Variants in NLGN4X observed in about 807,000 individuals in gnomAD.
NLGN4X encodes neuroligin 4 X-linked, also known as neuroligin-4, X-linked.
A neutral mutation model predicts 40.3 loss-of-function variants in NLGN4X; 3 were observed. The ratio of observed to expected loss-of-function variants is 0.07; its 90% CI spans 0.03 to 0.19. The LOEUF (loss-of-function observed/expected upper bound fraction) is 0.19. Among genes scored for constraint, NLGN4X ranks in the 10% least tolerant of loss-of-function variants. The pLI, the probability that NLGN4X is intolerant of heterozygous loss-of-function variation, is 1.00. For synonymous variants in NLGN4X, 270 were observed against 306.8 expected, an observed-to-expected ratio of 0.88 and a Z score of 1.25; for missense variants, 382 against 708.3, an observed-to-expected ratio of 0.54 and a Z score of 5.23.
chrX:6,133,985 T>C (rs746717212), intron 2 of NLGN4X, among the ~76,000 whole-genome samples: 1 of 111,808 alleles, frequency 8.9e-6, no homozygotes, highest in African/African-American at 3.2e-5. Context: ...GGCTTATTTG[T>C]GTTCCATTAA....
chrX:6,149,531 T>TCA (rs1405373065), intron 2 of NLGN4X, among the ~76,000 whole-genome samples: 7 of 110,885 alleles, frequency 6.3e-5, no homozygotes, highest in African/African-American at 1.3e-4. Context: ...CTTATTCATC[T>TCA]CACACACACA....
chrX:6,011,366 A>AATATATATATATATAT (rs10584166), intron 3 of NLGN4X, among the ~76,000 whole-genome samples: 16 of 101,449 alleles, frequency 1.6e-4, no homozygotes, highest in African/African-American at 5.7e-4. Context: ...CAAATTCAGA[A>AATATATATATATATAT]ATATATATAT....
At chrX:5,935,313 T>G (rs2033697552) in intron 3 of NLGN4X, among the ~76,000 whole-genome samples, 2 of 112,284 alleles carry the variant, frequency 1.8e-5, no homozygotes, top group African/African-American at 6.5e-5. Context: ...AGGAAAGAAA[T>G]AAACATTTCT....
At chrX:6,139,003 A>G (rs986262149) in intron 2 of NLGN4X, among the ~76,000 whole-genome samples, 17 of 111,945 alleles carry the variant, frequency 1.5e-4, no homozygotes, top group African/African-American at 5.2e-4. Context: ...ATTTGTTAAC[A>G]TTTTAATATT....
intron 2 of NLGN4X, among the ~76,000 whole-genome samples, chrX:6,136,302 GT>G (rs1172294906): frequency 1.8e-5 from 2 of 112,565 alleles, no homozygotes; most frequent in Non-Finnish European, 3.8e-5. Context: ...AAACTTAACA[GT>G]TTCAAGTAAT....
intron 3 of NLGN4X, among the ~76,000 whole-genome samples, chrX:5,984,183 G>A (rs994440364): frequency 4.5e-5 from 5 of 110,618 alleles, no homozygotes; most frequent in Non-Finnish European, 5.7e-5. Flanking sequence ...TGAGAACTTC[G>A]AAAATGTGGA....
intron 2 of NLGN4X, among the ~76,000 whole-genome samples, chrX:6,069,371 T>C (rs2038004036): frequency 8.9e-6 from 1 of 111,959 alleles, no homozygotes; most frequent in African/African-American, 3.2e-5. Flanking sequence ...CAAAAGCAAG[T>C]GCACAATCAA....
At chrX:5,993,779 C>T (rs1478045183) in intron 3 of NLGN4X, among the ~76,000 whole-genome samples, 2 of 111,638 alleles carry the variant, frequency 1.8e-5, no homozygotes, top group Non-Finnish European at 3.8e-5. Context: ...CTTTGGTCAT[C>T]TAGAAAGGGA....
chrX:6,128,625 C>T (rs1346294092), intron 2 of NLGN4X, among the ~76,000 whole-genome samples: 2 of 111,265 alleles, frequency 1.8e-5, no homozygotes, highest in Non-Finnish European at 3.8e-5. Flanking sequence ...ACTGAGTACA[C>T]ATGGACATAA....
intron 2 of NLGN4X, among the ~76,000 whole-genome samples, chrX:6,134,183 GC>G (rs1310293275): frequency 1.2e-4 from 13 of 111,740 alleles, no homozygotes; most frequent in African/African-American, 4.2e-4. Flanking sequence ...GAAGGATGCT[GC>G]CCTGTAATTA....
At chrX:6,070,317 TC>T (rs2038027843) in intron 2 of NLGN4X, among the ~76,000 whole-genome samples, 1 of 111,567 alleles carries the variant, frequency 9.0e-6, no homozygotes, top group African/African-American at 3.3e-5. Flanking sequence ...ATATAACACT[TC>T]AAAAAAGCAG....
intron 3 of NLGN4X, among the ~76,000 whole-genome samples, chrX:5,942,361 T>G (rs1386917604): frequency 9.0e-6 from 1 of 111,628 alleles, no homozygotes; most frequent in African/African-American, 3.3e-5. Context: ...CATAACTATG[T>G]GCACTACCAT....
At chrX:6,160,331 C>G (rs2040357724) in intron 1 of NLGN4X, among the ~76,000 whole-genome samples, 1 of 110,948 alleles carries the variant, frequency 9.0e-6, no homozygotes, top group Non-Finnish European at 1.9e-5. Flanking sequence ...CCTTTATTAG[C>G]AGGATATAAA....
chrX:6,049,083 A>G (rs1309047424), intron 2 of NLGN4X, among the ~76,000 whole-genome samples: 1 of 102,643 alleles, frequency 9.7e-6, no homozygotes, highest in Non-Finnish European at 2.0e-5. Context: ...TATTTGTAAA[A>G]TATTAAGAAA....
chrX:5,978,272 T>TTTTCTTTCTTTCTTTC (rs780650966), intron 3 of NLGN4X, among the ~76,000 whole-genome samples: 2 of 20,328 alleles, frequency 9.8e-5, no homozygotes, highest in Non-Finnish European at 1.8e-4. Flanking sequence ...GCGTCTCTTT[T>TTTTCTTTCTTTCTTTC]TTTCTTTCTT....
intron 2 of NLGN4X, among the ~76,000 whole-genome samples, chrX:6,038,788 G>T (rs1262289025): frequency 8.9e-6 from 1 of 111,873 alleles, no homozygotes; most frequent in East Asian, 2.8e-4. Context: ...TGGCAGAAAA[G>T]GTTGGTAACA....
At chrX:6,038,009 A>T (rs2037064202) in intron 2 of NLGN4X, among the ~76,000 whole-genome samples, 1 of 111,855 alleles carries the variant, frequency 8.9e-6, no homozygotes, top group Admixed American at 9.6e-5. Context: ...CCCGACTAAG[A>T]CAGGTAATGC....
At chrX:5,930,459 T>C in intron 3 of NLGN4X, among the ~76,000 whole-genome samples, 1 of 112,125 alleles carries the variant, frequency 8.9e-6, no homozygotes, top group Middle Eastern at 4.6e-3. Flanking sequence ...CCCCAGAATG[T>C]GCCTTTCACA....
At chrX:6,137,044 C>T (rs1169493677) in intron 2 of NLGN4X, among the ~76,000 whole-genome samples, 1 of 112,393 alleles carries the variant, frequency 8.9e-6, no homozygotes, top group Non-Finnish European at 1.9e-5. Flanking sequence ...CTAATTACCA[C>T]AAACTTGGTG....
Sources: gnomAD v4.1 joint callset for allele counts (sites outside exome capture counted in the v4.1 genomes callset) on GRCh38, gnomAD v4.1.1 for gene constraint, MANE v1.5 for transcripts, NCBI Gene and HGNC (gene_info 2026-07-23, HGNC 2026-07-21) for gene names.